SLX9: variants seen among roughly 807,000 people sequenced by gnomAD.
SLX9 encodes ribosome biogenesis protein SLX9 homolog.
SLX9 carries 19 observed loss-of-function variants against 20.8 expected under a neutral mutation model. The ratio of observed to expected loss-of-function variants is 0.91; its 90% CI spans 0.64 to 1.34. The LOEUF (loss-of-function observed/expected upper bound fraction) is 1.34, where lower values mean the gene tolerates loss of function less well. Among genes scored for constraint, SLX9 ranks in the 40% most tolerant of loss-of-function variants. The pLI is 0.00. For synonymous variants in SLX9, 113 were observed against 137.1 expected (o/e 0.82, Z 1.23); for missense variants, 299 against 322.2 (o/e 0.93, Z 0.55).
chr21:44,951,326 G>A (rs2084752858), intron 2 of SLX9, among the ~76,000 whole-genome samples: 1 of 152,134 alleles, frequency 6.6e-6, no homozygotes, highest in Non-Finnish European at 1.5e-5. Flanking sequence ...AGAGAGGCAG[G>A]GAAAGTGGGC....
chr21:44,971,599 G>A (rs924710144), intron 4 of SLX9, among the ~76,000 whole-genome samples: 2 of 152,172 alleles, frequency 1.3e-5, no homozygotes, highest in African/African-American at 2.4e-5. Context: ...TCCAGGGCCC[G>A]AGGTTTCCCC....
intron 1 of SLX9, among the ~76,000 whole-genome samples, chr21:44,941,829 A>G (rs951298075): frequency 1.3e-5 from 2 of 152,104 alleles, no homozygotes; most frequent in African/African-American, 4.8e-5. Flanking sequence ...TGCATCTGTC[A>G]CCACCCAGAG....
chr21:44,953,337 G>A (rs1174043310), intron 2 of SLX9, among the ~76,000 whole-genome samples: 8 of 152,208 alleles, frequency 5.3e-5, no homozygotes, highest in Admixed American at 1.3e-4. Context: ...AGGTTCCCTA[G>A]GTGGGGCCCC....
At chr21:44,976,331 G>T (rs967565153) in intron 5 of SLX9, among the ~76,000 whole-genome samples, 2 of 152,138 alleles carry the variant, frequency 1.3e-5, no homozygotes, top group African/African-American at 4.8e-5. Context: ...TTGGTTGCCC[G>T]TGGAGGGAGC....
rs1316168346 is a variant in SLX9, at chr21:44,969,429, G to A, written c.500+2248G>A. Among the ~76,000 whole-genome samples the A allele has an allele frequency of 3.3e-5, 5 of 152,352 alleles. No individual in the cohort carries two copies. The South Asian group carries it at 6.2e-4, about 19-fold the overall frequency. On this transcript the variant is annotated intron_variant, in intron 4 of 5. Coordinates refer to ENST00000291634, the MANE Select transcript of SLX9 (RefSeq NM_058190.4). ...TGTATCAACACCCAGCCCCCAGGCC[G>A]AGGAGGATGTGCCCCTGCCTCCCTG...
chr21:44,955,620 A>G (rs1256912850), intron 2 of SLX9, among the ~76,000 whole-genome samples: 2 of 151,966 alleles, frequency 1.3e-5, no homozygotes, highest in Non-Finnish European at 1.5e-5. Flanking sequence ...GGCTCACGCA[A>G]TCTTCCCTCC....
chr21:44,973,703 C>A (rs888182024), intron 5 of SLX9, among the ~76,000 whole-genome samples: 1 of 150,722 alleles, frequency 6.6e-6, no homozygotes, highest in African/African-American at 2.4e-5. Context: ...TGTGCCCCCA[C>A]CCCGCCCTCT....
chr21:44,976,615 G>C, intron 5 of SLX9, 65 bp from the exon 6 acceptor site: 1 of 1,535,904 alleles, frequency 6.5e-7, no homozygotes, highest in Non-Finnish European at 8.8e-7. Flanking sequence ...TGACGTTTCC[G>C]GGTGTTGAGG....
At chr21:44,961,671 C>T (rs9680255) in intron 3 of SLX9, among the ~76,000 whole-genome samples, 8,265 of 152,230 alleles carry the variant, frequency 0.054, 720 homozygotes, top group African/African-American at 0.19. Flanking sequence ...TTTTCTTTAT[C>T]GTTCTTTATT....
intron 5 of SLX9, among the ~76,000 whole-genome samples, chr21:44,975,616 T>G (rs1186921686): frequency 6.6e-6 from 1 of 152,256 alleles, no homozygotes; most frequent in South Asian, 2.1e-4. Flanking sequence ...TCCCCTGGCC[T>G]CGGCTCCTCA....
rs747472427 is a variant in SLX9 at position 44,968,937 on chromosome 21, C to T, written c.500+1756C>T. Among the ~76,000 whole-genome samples the T allele has an allele frequency of 1.1e-3, 161 of 152,132 alleles. 2 individuals carry two copies. The highest frequency in any genetic ancestry group is 1.8e-3 in the Non-Finnish European group (121 of 67,982). ...CCTGGCTAATTTTTTGTATTTTTAG[C>T]GGAGACGGGGTTTCACCGTGTTAGC... is the stretch of plus-strand genomic sequence containing the variant. On this transcript the variant is annotated intron_variant, in intron 4 of 5. Transcript: ENST00000291634.
At chr21:44,967,838 G>C (rs1016683110) in intron 4 of SLX9, among the ~76,000 whole-genome samples, 1 of 152,164 alleles carries the variant, frequency 6.6e-6, no homozygotes, top group Admixed American at 6.5e-5. Context: ...GGAGGGACGG[G>C]GCCTGATGTG....
chr21:44,954,191 G>A (rs935592369), intron 2 of SLX9, among the ~76,000 whole-genome samples: 3 of 152,182 alleles, frequency 2.0e-5, no homozygotes, highest in African/African-American at 7.2e-5. Flanking sequence ...AGAGAATCCT[G>A]TGGGGTTTGG....
chr21:44,943,674 G>T lies in SLX9; in HGVS notation c.130-10G>T. 6.2e-7 allele frequency: 1 copy of T among 1,612,618 alleles called. No homozygotes were observed. Among genetic ancestry groups the T allele is most frequent in the South Asian group, 1.1e-5 (1 of 91,058 alleles). ...CTCTTCTTTTCGTCCGTTTTTGTTG[G>T]GGACATTAGGACTGGGCGTTCATCA... On this transcript the variant is annotated splice_polypyrimidine_tract_variant and intron_variant, in intron 1 of 5. Transcript: ENST00000291634.
rs1418393986 is a variant in SLX9 at position 44,960,244 on chromosome 21, C to T, written c.352+76C>T. ...GTGGGCCCTCCTATTCCTACAGCCT[C>T]ACATCTGGCCTTCTACATCAGCCAC... On this transcript the variant is annotated intron_variant, in intron 3 of 5. Coordinates refer to ENST00000291634, the MANE Select transcript of SLX9 (RefSeq NM_058190.4). The T allele has an allele frequency of 6.6e-6, 9 of 1,364,824 alleles. No individual in the cohort carries two copies. In the African/African-American group the frequency reaches 8.6e-5, roughly 13 times the overall value. 84.5% of individuals were successfully genotyped at this position (1,364,824 alleles called of 1,614,324 possible). A position where few individuals can be genotyped will look rare whatever the true frequency, so the allele number is the denominator to read the frequency against.
At chr21:44,950,086 G>A (rs1006024867) in intron 2 of SLX9, among the ~76,000 whole-genome samples, 6 of 151,292 alleles carry the variant, frequency 4.0e-5, no homozygotes. Flanking sequence ...GGGGTTACAG[G>A]GTTGTCTTCA....
chr21:44,972,918 A>C, intron 4 of SLX9: 1 of 47,112 alleles, frequency 2.1e-5, no homozygotes, highest in Non-Finnish European at 3.7e-5. Flanking sequence ...AGGAGTCACC[A>C]GATTCCACAC....
intron 2 of SLX9, among the ~76,000 whole-genome samples, chr21:44,948,102 C>T (rs1054607386): frequency 3.9e-5 from 6 of 152,260 alleles, no homozygotes; most frequent in African/African-American, 1.4e-4. Flanking sequence ...GGTGGCTGAT[C>T]CTCCAGCCTT....
intron 2 of SLX9, among the ~76,000 whole-genome samples, chr21:44,953,110 T>G (rs2084788657): frequency 6.6e-6 from 1 of 152,126 alleles, no homozygotes; most frequent in African/African-American, 2.4e-5. Context: ...AGACCCCGCC[T>G]GGCAAGGCCC....
Sources: gnomAD v4.1 joint callset for allele counts (sites outside exome capture counted in the v4.1 genomes callset) on GRCh38, gnomAD v4.1.1 for gene constraint, MANE v1.5 for transcripts, NCBI Gene and HGNC (gene_info 2026-07-23, HGNC 2026-07-21) for gene names.